LPIN2: variants seen among roughly 807,000 people sequenced by gnomAD.
LPIN2 encodes the protein lipin 2, also known as phosphatidate phosphatase LPIN2.
In LPIN2, 55 loss-of-function variants were observed where a neutral mutation model predicts 111.4. The ratio of observed to expected loss-of-function variants is 0.49; its 90% CI spans 0.40 to 0.62. The LOEUF is 0.62. Among genes scored for constraint, LPIN2 ranks in the 20% least tolerant of loss-of-function variants. LPIN2 has a pLI of 0.00. For synonymous variants in LPIN2, 425 were observed against 414.0 expected, an observed-to-expected ratio of 1.03 and a Z score of -0.32; for missense variants, 992 against 1,112.1, an observed-to-expected ratio of 0.89 and a Z score of 1.54.
rs2077581185 is a variant in LPIN2 at position 2,954,497 on chromosome 18, A to G, written c.288+7T>C. On this transcript the variant is annotated splice_region_variant and intron_variant, in intron 3 of 19. Transcript: ENST00000677752. ...GTGTAAGGAGGGTGTAACCCATGCA[A>G]ACTTACATATTCTTCTTCAGTCTCC... is the stretch of plus-strand genomic sequence containing the variant. 1.2e-6 allele frequency: 2 copies of G among 1,606,518 alleles called. No individual in the cohort carries two copies. The highest frequency in any genetic ancestry group is 1.7e-6 in the Non-Finnish European group (2 of 1,173,178).
chr18:2,996,318 G>A (rs922648317), intron 1 of LPIN2, among the ~76,000 whole-genome samples: 2 of 151,682 alleles, frequency 1.3e-5, no homozygotes, highest in Non-Finnish European at 2.9e-5. Context: ...CCAGCCTGGT[G>A]ACAGTGCAAG....
chr18:2,966,427 G>A (rs539536551), intron 1 of LPIN2, among the ~76,000 whole-genome samples: 1 of 152,300 alleles, frequency 6.6e-6, no homozygotes, highest in East Asian at 1.9e-4. Flanking sequence ...AGTCTTCACA[G>A]ATACCCATGG....
rs556014248 is a variant in LPIN2, at chr18:2,971,445, G to A, written c.-9-10596C>T. 2.1e-4 allele frequency among the ~76,000 whole-genome samples: 32 copies of A among 152,246 alleles called. 1 individual carries two copies. The South Asian group carries it at 6.6e-3, about 32-fold the overall frequency. On this transcript the variant is annotated intron_variant, in intron 1 of 19. Coordinates refer to ENST00000677752, the MANE Select transcript of LPIN2 (RefSeq NM_001375808.2). ...GGCCCCCTGCCCTCTCCCTACCACA[G>A]CACCCACCACGCGGCATGAACATTT... is the stretch of plus-strand genomic sequence containing the variant.
At position 2,925,390 on chromosome 18, in the gene LPIN2, AC is replaced by A; in HGVS notation, c.1794-23del. 4 of 1,613,966 alleles carry A rather than the reference AC, an allele frequency of 2.5e-6. No homozygotes were observed. Among genetic ancestry groups the A allele is most frequent in the Non-Finnish European group, 3.4e-6 (4 of 1,179,942 alleles). ...CGGCCTGTTCAACATTAGCCCAGTT[AC>A]GGAAGAGGCAGCAGGGCATTTTATT... is the stretch of plus-strand genomic sequence containing the variant. On this transcript the variant is annotated intron_variant, in intron 13 of 19. Transcript: ENST00000677752. This position sits in a 1 kb window ranked among gnomAD's most constrained non-coding sequence, Gnocchi z 4.1.
At chr18:2,945,470 A>G in intron 4 of LPIN2, 1 of 757,652 alleles carries the variant, frequency 1.3e-6, no homozygotes. Flanking sequence ...AAAACAAAAG[A>G]TGACAGCAGC....
rs1258499638 is a variant in LPIN2, at chr18:2,931,408, G to C, written c.1304C>G (p.Ser435Cys). The C allele has an allele frequency of 1.9e-6, 3 of 1,605,224 alleles. No homozygotes were observed. The highest frequency in any genetic ancestry group is 1.7e-5 in the Admixed American group (1 of 58,242). The change falls in exon 9 of 20, where the codon TCT becomes TGT. Residue 435 changes from serine to cysteine, a missense_variant. Physicochemically the swap from Ser to Cys is moderately radical, Grantham distance 112 (BLOSUM62 -1). Around this residue, in one of 4 missense-constraint regions of LPIN2, gnomAD observed 709 missense variants for 753.2 expected, o/e 0.94. Transcript: ENST00000677752. ...SEPGSRQWPE[S>C]DTLSGSQSPQ... ...GGACTGGGAGCCAGAGAGTGTGTCAGACTCGGGCCACTGCCTGGAACCGGG... is the reference window on the plus strand; with the variant it reads ...GGACTGGGAGCCAGAGAGTGTGTCACACTCGGGCCACTGCCTGGAACCGGG...
chr18:2,942,718 C>T (rs1251146020), intron 4 of LPIN2, among the ~76,000 whole-genome samples: 1 of 152,164 alleles, frequency 6.6e-6, no homozygotes, highest in Non-Finnish European at 1.5e-5. Flanking sequence ...TGCTGAGATC[C>T]CTTTCAGTCC....
chr18:2,993,422 C>G (rs1395062665), intron 1 of LPIN2, among the ~76,000 whole-genome samples: 1 of 152,080 alleles, frequency 6.6e-6, no homozygotes, highest in African/African-American at 2.4e-5. Flanking sequence ...TATCATTAAC[C>G]CTCAATTTCC....
intron 5 of LPIN2, 34 bp downstream of exon 5, chr18:2,940,571 T>C (rs369969968): frequency 2.1e-5 from 29 of 1,365,626 alleles, no homozygotes; most frequent in Non-Finnish European, 2.7e-5. Flanking sequence ...CTCCTTCCTC[T>C]TTCAAGAAAC....
At chr18:2,941,303 A>C (rs2077364447) in intron 4 of LPIN2, among the ~76,000 whole-genome samples, 1 of 152,214 alleles carries the variant, frequency 6.6e-6, no homozygotes, top group Admixed American at 6.5e-5. Flanking sequence ...TTATCTGAGA[A>C]GGTTTCCTTT....
At position 2,991,118 on chromosome 18, in the gene LPIN2, T is replaced by C. The variant is rs1441358519; in HGVS notation, c.-10+21969A>G. Reference sequence around the variant, plus strand: ...GAGGCCTCCCTATATCAGTTTTATATTGCTTGCTCTGCTTCACCAGGAGAT... The same window carrying C: ...GAGGCCTCCCTATATCAGTTTTATACTGCTTGCTCTGCTTCACCAGGAGAT... On this transcript the variant is annotated intron_variant, in intron 1 of 19. Transcript: ENST00000677752. The C allele has an allele frequency of 1.4e-5, 6 of 422,368 alleles. No homozygotes were observed. The East Asian group carries it at 2.1e-4, about 15-fold the overall frequency. 26.2% of individuals were successfully genotyped at this position (422,368 alleles called of 1,614,324 possible). A position where few individuals can be genotyped will look rare whatever the true frequency, so the allele number is the denominator to read the frequency against.
chr18:2,941,407 A>C (rs2144213581), intron 4 of LPIN2, among the ~76,000 whole-genome samples: 1 of 152,342 alleles, frequency 6.6e-6, no homozygotes, highest in South Asian at 2.1e-4. Flanking sequence ...AGGGGGTTAC[A>C]CTACTGCTGA....
At position 2,951,283 on chromosome 18, in the gene LPIN2, G is replaced by A. The variant is rs2077532913; in HGVS notation, c.362C>T (p.Pro121Leu). ...EDQFFKDIDT[P>L]LVKSGGDETP... ...TTCATCTCCACCCGATTTCACCAAA[G>A]GGGTGTCAATATCTTTAAAGAACTG... The change falls in exon 4 of 20, where the codon CCT (proline) becomes CTT (leucine). Residue 121 changes from proline (P) to leucine (L), a missense_variant. Around this residue, in one of 4 missense-constraint regions of LPIN2, gnomAD observed 709 missense variants for 753.2 expected, o/e 0.94. Coordinates refer to ENST00000677752, the MANE Select transcript of LPIN2 (RefSeq NM_001375808.2). 1.2e-6 allele frequency: 2 copies of A among 1,614,068 alleles called. No homozygotes were observed. Among genetic ancestry groups the A allele is most frequent in the Non-Finnish European group, 1.7e-6 (2 of 1,179,976 alleles).
chr18:2,989,478 A>G (rs1002837445), intron 1 of LPIN2, among the ~76,000 whole-genome samples: 3 of 152,224 alleles, frequency 2.0e-5, no homozygotes, highest in African/African-American at 7.2e-5. Context: ...ATATTACCTA[A>G]AGCGATCTTC....
chr18:2,959,094 C>T (rs1310743937), intron 2 of LPIN2, among the ~76,000 whole-genome samples: 1 of 152,142 alleles, frequency 6.6e-6, no homozygotes, highest in African/African-American at 2.4e-5. Flanking sequence ...AGAACCTAAA[C>T]TATGGCTAAA....
intron 4 of LPIN2, chr18:2,950,197 G>C (rs1314202648): frequency 1.3e-5 from 2 of 152,042 alleles, no homozygotes; most frequent in Non-Finnish European, 2.9e-5. Context: ...ATTGAGCTAG[G>C]GTTTACTCTT....
At chr18:2,999,459 G>C (rs970695217) in intron 1 of LPIN2, among the ~76,000 whole-genome samples, 4 of 151,784 alleles carry the variant, frequency 2.6e-5, no homozygotes, top group African/African-American at 9.7e-5. Flanking sequence ...AAAAAAATTA[G>C]CCGGGCGCGG....
intron 1 of LPIN2, among the ~76,000 whole-genome samples, chr18:2,985,850 G>C (rs1428055575): frequency 2.0e-5 from 3 of 152,102 alleles, no homozygotes; most frequent in African/African-American, 7.2e-5. Context: ...ACAACACCTT[G>C]CTCCTGGATT....
In LPIN2 at chr18:2,960,610, A is replaced by C. The variant is rs144310398; in HGVS notation, c.192+39T>G. On this transcript the variant is annotated intron_variant, in intron 2 of 19. Transcript: ENST00000677752. ...AGGACACTCACTCACTTTCTCTTTGAATCTCAGGATGACTTTTCCTCTCCT... is the reference window on the plus strand; with the variant it reads ...AGGACACTCACTCACTTTCTCTTTGCATCTCAGGATGACTTTTCCTCTCCT... 72 of 1,596,520 alleles carry C rather than the reference A, an allele frequency of 4.5e-5. No individual in the cohort carries two copies. In the African/African-American group the frequency reaches 7.6e-4, roughly 17 times the overall value.
Sources: allele counts gnomAD v4.1 joint callset (sites outside exome capture counted in the v4.1 genomes callset), GRCh38; gene constraint gnomAD v4.1.1; regional missense constraint gnomAD v4.1.1; non-coding constraint Gnocchi (gnomAD v3.1); transcripts MANE v1.5; gene names NCBI Gene and HGNC (gene_info 2026-07-23, HGNC 2026-07-21).